The following HMGN5 variants were observed in gnomAD, a reference collection of about 807,000 sequenced individuals.
The protein encoded by HMGN5 is high mobility group nucleosome binding domain 5.
A neutral mutation model predicts 9.5 loss-of-function variants in HMGN5; 4 were observed. The observed-to-expected ratio is 0.42, with a 90% confidence interval of 0.21 to 0.96. The LOEUF is 0.96. Among genes scored for constraint, HMGN5 ranks in the 40% least tolerant of loss-of-function variants. The pLI is 0.30. For synonymous variants in HMGN5, 55 were observed against 57.1 expected (o/e 0.96, Z 0.16); for missense variants, 192 against 187.5 (o/e 1.02, Z -0.14).
intron 1 of HMGN5, among the ~76,000 whole-genome samples, chrX:81,146,536 GAGAA>G (rs1370283550): frequency 2.7e-5 from 3 of 111,606 alleles, no homozygotes; most frequent in African/African-American, 9.8e-5. Flanking sequence ...ATGCTCACAA[GAGAA>G]AGAAAGAAAG....
At chrX:81,191,351 T>C (rs1312168255) in intron 1 of HMGN5, among the ~76,000 whole-genome samples, 1 of 111,808 alleles carries the variant, frequency 8.9e-6, no homozygotes, top group Non-Finnish European at 1.9e-5. Flanking sequence ...TTCATTCCCA[T>C]TGTCACAGGA....
intron 1 of HMGN5, among the ~76,000 whole-genome samples, chrX:81,147,135 C>A (rs878991918): frequency 2.7e-5 from 3 of 111,953 alleles, no homozygotes; most frequent in Non-Finnish European, 5.6e-5. Context: ...GGAATCCTCC[C>A]TAACTCATCT....
chrX:81,153,541 G>A (rs1455706763), intron 1 of HMGN5, among the ~76,000 whole-genome samples: 2 of 53,533 alleles, frequency 3.7e-5, no homozygotes, highest in African/African-American at 7.2e-5. Context: ...GTGACAGAGC[G>A]AAACTCTGCC....
At chrX:81,200,654 C>T (rs1179604377) in intron 1 of HMGN5, among the ~76,000 whole-genome samples, 1 of 111,343 alleles carries the variant, frequency 9.0e-6, no homozygotes, top group African/African-American at 3.3e-5. Flanking sequence ...GGGAGTTGAA[C>T]AATGAGAACA....
chrX:81,142,282 G>C (rs1458229203), intron 1 of HMGN5, among the ~76,000 whole-genome samples: 3 of 111,345 alleles, frequency 2.7e-5, no homozygotes, highest in Non-Finnish European at 5.7e-5. Context: ...AAAGAGATAG[G>C]GGGTAGAAAA....
chrX:81,194,714 G>A (rs190298719), intron 1 of HMGN5, among the ~76,000 whole-genome samples: 67 of 111,758 alleles, frequency 6.0e-4, no homozygotes, highest in Non-Finnish European at 9.2e-4. Context: ...AACATATTTA[G>A]TGACACCTCT....
In HMGN5 at chrX:81,121,649, C is replaced by A; in HGVS notation, c.-100G>T. ...AGCAAATGAGTTTTCAATGAACTAA[C>A]TGCAGCACGACCTGTACTCTCCTCT... On this transcript the variant is annotated 5_prime_UTR_variant, in exon 2 of 7. Coordinates refer to ENST00000358130, the MANE Select transcript of HMGN5 (RefSeq NM_030763.3). The A allele has an allele frequency of 3.5e-6, 2 of 579,407 alleles. No individual in the cohort carries two copies. Among genetic ancestry groups the A allele is most frequent in the Non-Finnish European group, 5.6e-6 (2 of 359,608 alleles). 47.7% of individuals were successfully genotyped at this position (579,407 alleles called of 1,213,427 possible). A position where few individuals can be genotyped will look rare whatever the true frequency, so the allele number is the denominator to read the frequency against.
intron 1 of HMGN5, among the ~76,000 whole-genome samples, chrX:81,188,671 C>T (rs995611599): frequency 7.3e-5 from 8 of 108,974 alleles, no homozygotes; most frequent in African/African-American, 2.7e-4. Flanking sequence ...GTTCCCCTTC[C>T]TGTGTCCAAG....
chrX:81,181,620 T>A (rs2075463151), intron 1 of HMGN5, among the ~76,000 whole-genome samples: 1 of 112,171 alleles, frequency 8.9e-6, no homozygotes, highest in South Asian at 3.7e-4. Flanking sequence ...CAGCATCTGG[T>A]AACCATCATT....
At chrX:81,175,436 AGTT>A (rs2075438822) in intron 1 of HMGN5, among the ~76,000 whole-genome samples, 2 of 111,371 alleles carry the variant, frequency 1.8e-5, no homozygotes, top group Admixed American at 1.9e-4. Context: ...TATAGTTTTA[AGTT>A]AATTTTCTTT....
intron 1 of HMGN5, among the ~76,000 whole-genome samples, chrX:81,150,526 A>G (rs2075358305): frequency 8.9e-6 from 1 of 112,002 alleles, no homozygotes; most frequent in African/African-American, 3.3e-5. Context: ...AGATCGTGCC[A>G]TTGCACTCCA....
chrX:81,116,394 T>C (rs952908022), intron 5 of HMGN5, 53 bp from the exon 6 acceptor site: 6 of 844,497 alleles, frequency 7.1e-6, no homozygotes, highest in African/African-American at 6.1e-5. Context: ...ACTGCTGTGT[T>C]GATTAAATGG....
chrX:81,171,024 G>C (rs2075424642), intron 1 of HMGN5, among the ~76,000 whole-genome samples: 1 of 111,362 alleles, frequency 9.0e-6, no homozygotes, highest in African/African-American at 3.3e-5. Context: ...CTTCCAGGGA[G>C]GTTGATTTTG....
intron 1 of HMGN5, among the ~76,000 whole-genome samples, chrX:81,154,259 G>T (rs907350547): frequency 9.0e-6 from 1 of 111,218 alleles, no homozygotes; most frequent in Non-Finnish European, 1.9e-5. Flanking sequence ...ATATACACTG[G>T]GGAAAAGACA....
chrX:81,142,799 C>T (rs2075333210), intron 1 of HMGN5, among the ~76,000 whole-genome samples: 2 of 111,501 alleles, frequency 1.8e-5, no homozygotes, highest in Non-Finnish European at 3.8e-5. Flanking sequence ...TCTCACTGGT[C>T]ATAGTAAGTA....
At chrX:81,184,138 T>C (rs773691784) in intron 1 of HMGN5, among the ~76,000 whole-genome samples, 1 of 111,519 alleles carries the variant, frequency 9.0e-6, no homozygotes, top group Non-Finnish European at 1.9e-5. Context: ...TCAATTGTAA[T>C]AGCCAATGTT....
chrX:81,201,552 T>C (rs1030438985), intron 1 of HMGN5, among the ~76,000 whole-genome samples, 185 bp downstream of exon 1: 1 of 111,915 alleles, frequency 8.9e-6, no homozygotes, highest in African/African-American at 3.2e-5. Context: ...AAACACAAAA[T>C]TCAAAAAGAA....
chrX:81,174,131 C>A (rs2075434732), intron 1 of HMGN5, among the ~76,000 whole-genome samples: 2 of 110,959 alleles, frequency 1.8e-5, no homozygotes, highest in Non-Finnish European at 3.8e-5. Context: ...AGAAATAAAT[C>A]TTAAAAAAAT....
intron 1 of HMGN5, among the ~76,000 whole-genome samples, chrX:81,134,494 A>G (rs12387934): frequency 0.045 from 4,959 of 111,137 alleles, 281 homozygotes; most frequent in African/African-American, 0.15. Flanking sequence ...TATATCCAGA[A>G]TTGTGCAACC....
Sources: allele counts gnomAD v4.1 joint callset (sites outside exome capture counted in the v4.1 genomes callset), GRCh38; gene constraint gnomAD v4.1.1; transcripts MANE v1.5; gene names NCBI Gene and HGNC (gene_info 2026-07-23, HGNC 2026-07-21).